FAM13A: variants seen among roughly 807,000 people sequenced by gnomAD.
The protein encoded by FAM13A is family with sequence similarity 13 member A, also known as protein FAM13A.
A neutral mutation model predicts 129.6 loss-of-function variants in FAM13A; 76 were observed. That is an observed-to-expected ratio of 0.59 (90% confidence interval 0.49 to 0.71). The LOEUF is 0.71. Ranked by LOEUF, FAM13A falls within the 30% of genes least tolerant of loss-of-function variation. FAM13A has a pLI of 0.00. For missense variants in FAM13A, 1,108 were observed against 1,249.3 expected, an observed-to-expected ratio of 0.89 and a Z score of 1.70; for synonymous variants, 443 against 449.9, an observed-to-expected ratio of 0.98 and a Z score of 0.20.
rs528663892 is a variant in FAM13A, at chr4:89,045,118, G to C, written c.27+11820C>G. On this transcript the variant is annotated intron_variant, in intron 1 of 23. Coordinates refer to ENST00000264344, the MANE Select transcript of FAM13A (RefSeq NM_014883.4). Reference sequence around the variant, plus strand: ...TCACAATAAAAAAAGTTAAAGAATTGATCACAATGATGAAAGAACACAAAT... The same window carrying C: ...TCACAATAAAAAAAGTTAAAGAATTCATCACAATGATGAAAGAACACAAAT... Among the ~76,000 whole-genome samples, 20 of 152,122 alleles carry C rather than the reference G, an allele frequency of 1.3e-4. No homozygotes were observed. In the South Asian group the frequency reaches 2.7e-3, roughly 21 times the overall value.
At chr4:88,742,902 A>C (rs973562104) in intron 19 of FAM13A, among the ~76,000 whole-genome samples, 3 of 152,154 alleles carry the variant, frequency 2.0e-5, no homozygotes, top group Non-Finnish European at 4.4e-5. Flanking sequence ...TATGCTTCCT[A>C]ATTGCTTGGA....
intron 1 of FAM13A, among the ~76,000 whole-genome samples, chr4:89,052,000 C>T (rs1443958611): frequency 6.6e-6 from 1 of 152,186 alleles, no homozygotes; most frequent in Non-Finnish European, 1.5e-5. Flanking sequence ...CTAAATCTCA[C>T]ACTGTGGCTC....
chr4:88,920,752 C>T (rs1015347648), intron 5 of FAM13A, among the ~76,000 whole-genome samples: 5 of 152,086 alleles, frequency 3.3e-5, no homozygotes, highest in Non-Finnish European at 7.4e-5. Context: ...CAAACTACTC[C>T]GAGCTACAGG....
At chr4:88,976,847 T>A (rs569764460) in intron 4 of FAM13A, among the ~76,000 whole-genome samples, 10 of 152,228 alleles carry the variant, frequency 6.6e-5, no homozygotes, top group African/African-American at 2.4e-4. Context: ...TTAGATATGG[T>A]TAGATATACA....
intron 2 of FAM13A, among the ~76,000 whole-genome samples, chr4:89,024,722 C>G (rs1329757640): frequency 6.6e-6 from 1 of 152,124 alleles, no homozygotes; most frequent in South Asian, 2.1e-4. Context: ...CTTTATACTA[C>G]CCTTCAAACT....
chr4:88,993,062 A>G (rs1258140675), intron 3 of FAM13A, among the ~76,000 whole-genome samples: 1 of 152,240 alleles, frequency 6.6e-6, no homozygotes, highest in Non-Finnish European at 1.5e-5. Flanking sequence ...GAGGCTTCAG[A>G]GCACAAGATC....
At chr4:88,860,618 T>G (rs1739322297) in intron 6 of FAM13A, among the ~76,000 whole-genome samples, 1 of 152,218 alleles carries the variant, frequency 6.6e-6, no homozygotes, top group Non-Finnish European at 1.5e-5. Context: ...CACATTTGTA[T>G]CTGTGTGTAT....
At chr4:88,976,519 CAT>C (rs1354110174) in intron 4 of FAM13A, among the ~76,000 whole-genome samples, 1 of 152,108 alleles carries the variant, frequency 6.6e-6, no homozygotes, top group Non-Finnish European at 1.5e-5. Flanking sequence ...TCATGTGCCA[CAT>C]GACATTTTGT....
chr4:88,839,655 G>C (rs1252549198), intron 7 of FAM13A, among the ~76,000 whole-genome samples: 1 of 152,194 alleles, frequency 6.6e-6, no homozygotes, highest in African/African-American at 2.4e-5. Flanking sequence ...GGGAGGCTGA[G>C]GTGGGAGGAT....
intron 7 of FAM13A, among the ~76,000 whole-genome samples, chr4:88,845,086 TA>T (rs984554116): frequency 2.0e-5 from 3 of 151,914 alleles, no homozygotes; most frequent in African/African-American, 7.2e-5. Flanking sequence ...GTGGAATGGA[TA>T]AAATATAATA....
intron 2 of FAM13A, among the ~76,000 whole-genome samples, chr4:89,028,839 T>G (rs1190462687): frequency 6.6e-6 from 1 of 152,154 alleles, no homozygotes; most frequent in Non-Finnish European, 1.5e-5. Context: ...GTGATTTATT[T>G]TAAACGAAAT....
At chr4:88,772,677 T>C (rs918523165) in intron 11 of FAM13A, among the ~76,000 whole-genome samples, 1 of 152,198 alleles carries the variant, frequency 6.6e-6, no homozygotes, top group East Asian at 1.9e-4. Flanking sequence ...CTGAACAGCA[T>C]AGCTTAGCCT....
intron 13 of FAM13A, among the ~76,000 whole-genome samples, chr4:88,759,980 G>A (rs1359028076): frequency 6.6e-6 from 1 of 152,080 alleles, no homozygotes. Context: ...TCCTTAAGTA[G>A]CACAGATGGG....
chr4:88,908,856 C>T (rs1748577289), intron 5 of FAM13A, among the ~76,000 whole-genome samples: 1 of 152,146 alleles, frequency 6.6e-6, no homozygotes, highest in African/African-American at 2.4e-5. Context: ...AGCTCCCACC[C>T]TTGCAGCAAG....
chr4:88,813,111 T>C (rs1391314980), intron 7 of FAM13A, among the ~76,000 whole-genome samples: 1 of 152,178 alleles, frequency 6.6e-6, no homozygotes, highest in Admixed American at 6.5e-5. Flanking sequence ...ACTGTACTCT[T>C]TGTGGTATAC....
intron 2 of FAM13A, among the ~76,000 whole-genome samples, chr4:89,023,509 A>C (rs1235031053): frequency 6.6e-6 from 1 of 151,870 alleles, no homozygotes. Context: ...CCCCAAATAA[A>C]TATACTTCCA....
chr4:88,733,490 TAAC>T (rs1337726399), intron 21 of FAM13A, among the ~76,000 whole-genome samples: 4 of 152,304 alleles, frequency 2.6e-5, no homozygotes, highest in East Asian at 1.9e-4. Context: ...GTAAGAGTAA[TAAC>T]AATTCCCATC....
At chr4:88,908,851 C>T (rs2150242795) in intron 5 of FAM13A, among the ~76,000 whole-genome samples, 1 of 152,192 alleles carries the variant, frequency 6.6e-6, no homozygotes, top group South Asian at 2.1e-4. Flanking sequence ...ACAGCAGCTC[C>T]CACCCTTGCA....
At position 88,790,590 on chromosome 4, in the gene FAM13A, CG is replaced by C. The variant is rs1248688802; in HGVS notation, c.1086del (p.Gly363GlufsTer4). 6 of 1,607,714 alleles carry C rather than the reference CG, an allele frequency of 3.7e-6. No homozygotes were observed. The highest frequency in any genetic ancestry group is 5.1e-6 in the Non-Finnish European group (6 of 1,177,382). ...HVPQVSNVSA[T>X]GELLERTIRS... ...AACCCAACCCAAATAACTTACTCTC[CG>C]GTTGCAGACACATTGCTGACTTGGG... On this transcript the variant is annotated frameshift_variant, in exon 9 of 24. Coordinates refer to ENST00000264344, the MANE Select transcript of FAM13A (RefSeq NM_014883.4). LOFTEE classifies it high-confidence loss of function.
Sources: allele counts gnomAD v4.1 joint callset (sites outside exome capture counted in the v4.1 genomes callset), GRCh38; gene constraint gnomAD v4.1.1; transcripts MANE v1.5; gene names NCBI Gene and HGNC (gene_info 2026-07-23, HGNC 2026-07-21).